Variants in MAP1LC3B observed in about 807,000 individuals in gnomAD.
The protein encoded by MAP1LC3B is microtubule associated protein 1 light chain 3 beta.
A neutral mutation model predicts 16.7 loss-of-function variants in MAP1LC3B; 12 were observed. That is an observed-to-expected ratio of 0.72 (90% CI 0.46 to 1.16). The LOEUF (loss-of-function observed/expected upper bound fraction) is 1.16, where lower values mean the gene tolerates loss of function less well. MAP1LC3B is among the 50% of genes most tolerant of loss of function. The pLI is 0.00. For missense variants in MAP1LC3B, 155 were observed against 159.5 expected, an observed-to-expected ratio of 0.97 and a Z score of 0.15; for synonymous variants, 63 against 56.5, an observed-to-expected ratio of 1.11 and a Z score of -0.51.
At chr16:87,400,308 G>C (rs1260767142) in intron 2 of MAP1LC3B, 1 of 151,572 alleles carries the variant, frequency 6.6e-6, no homozygotes, top group African/African-American at 2.4e-5. Flanking sequence ...CTCCTGAGTA[G>C]CTGGGACTGC....
chr16:87,393,607 T>G (rs756958246), intron 1 of MAP1LC3B, among the ~76,000 whole-genome samples: 1 of 152,248 alleles, frequency 6.6e-6, no homozygotes, highest in Non-Finnish European at 1.5e-5. Context: ...GACAGCCTCT[T>G]GAGGCAGTCC....
intron 1 of MAP1LC3B, among the ~76,000 whole-genome samples, chr16:87,395,969 T>C (rs1321719581): frequency 6.8e-6 from 1 of 146,812 alleles, no homozygotes; most frequent in Non-Finnish European, 1.5e-5. Flanking sequence ...CAAGTGATTC[T>C]CCTGCCTTAG....
intron 2 of MAP1LC3B, chr16:87,399,616 T>C (rs778547445): frequency 2.2e-6 from 1 of 455,650 alleles, no homozygotes; most frequent in South Asian, 1.6e-5. Context: ...AATTACTGTA[T>C]ATAGAAAAGA....
At chr16:87,397,326 T>C (rs1050428018) in intron 1 of MAP1LC3B, among the ~76,000 whole-genome samples, 1 of 152,020 alleles carries the variant, frequency 6.6e-6, no homozygotes, top group Non-Finnish European at 1.5e-5. Context: ...TAAAGAGTGA[T>C]ACTAAAATTG....
At chr16:87,395,349 T>C (rs1190469491) in intron 1 of MAP1LC3B, among the ~76,000 whole-genome samples, 1 of 152,226 alleles carries the variant, frequency 6.6e-6, no homozygotes. Context: ...CTCTTCTGTG[T>C]ACAAGCCTGA....
Position 87,402,983 on chromosome 16 carries a change from G to A in MAP1LC3B, c.264G>A (p.Met88Ile). Residue 88 changes from methionine to isoleucine, a missense_variant, in exon 4 of 4, where the codon ATG becomes ATA. Physicochemically the swap from Met to Ile is conservative, Grantham distance 10. Coordinates refer to ENST00000268607, the MANE Select transcript of MAP1LC3B (RefSeq NM_022818.5). ...TCCTGTTGGTGAACGGACACAGCATGGTCAGCGTCTCCACACCAATCTCAG... is the reference window on the plus strand; with the variant it reads ...TCCTGTTGGTGAACGGACACAGCATAGTCAGCGTCTCCACACCAATCTCAG... ...AFFLLVNGHS[M>I]VSVSTPISEV... 1 of 1,614,022 alleles carries A rather than the reference G, an allele frequency of 6.2e-7. No homozygotes were observed. The highest frequency in any genetic ancestry group is 8.5e-7 in the Non-Finnish European group (1 of 1,179,902).
chr16:87,402,729 A>C, intron 3 of MAP1LC3B, 194 bp from the exon 4 acceptor site: 1 of 688,390 alleles, frequency 1.5e-6, no homozygotes, highest in Non-Finnish European at 2.4e-6. Context: ...TCAGCCTAAT[A>C]TGTAATCTTT....
At position 87,403,022 on chromosome 16, in the gene MAP1LC3B, T is replaced by C; in HGVS notation, c.303T>C (p.Ser101=). The C allele has an allele frequency of 3.7e-6, 6 of 1,613,656 alleles. No individual in the cohort carries two copies. The highest frequency in any genetic ancestry group is 5.1e-6 in the Non-Finnish European group (6 of 1,179,826). Residue 101 remains serine, a synonymous_variant, in exon 4 of 4, where the codon AGT becomes AGC. Coordinates refer to ENST00000268607, the MANE Select transcript of MAP1LC3B (RefSeq NM_022818.5). ...CACCAATCTCAGAGGTGTATGAGAG[T>C]GAGAAAGATGAAGATGGATTCCTGT... ...VSTPISEVYE[S]EKDEDGFLYM... is the part of the protein sequence containing the mutation.
At position 87,402,462 on chromosome 16, in the gene MAP1LC3B, T is replaced by C. The variant is rs2150713774; in HGVS notation, c.203+181T>C. On this transcript the variant is annotated intron_variant, in intron 3 of 3. Coordinates refer to ENST00000268607, the MANE Select transcript of MAP1LC3B (RefSeq NM_022818.5). ...ACTTAAACTATAAAATGTTTCTTTT[T>C]TTGAGGTTTTATATTACTTGCTAGA... 9.1e-6 allele frequency: 6 copies of C among 657,836 alleles called. No individual in the cohort carries two copies. The South Asian group carries it at 1.1e-4, about 13-fold the overall frequency. 40.7% of individuals were successfully genotyped at this position (657,836 alleles called of 1,614,324 possible). A position where few individuals can be genotyped will look rare whatever the true frequency, so the allele number is the denominator to read the frequency against.
chr16:87,395,446 C>T (rs1907764985), intron 1 of MAP1LC3B, among the ~76,000 whole-genome samples: 1 of 152,228 alleles, frequency 6.6e-6, no homozygotes, highest in Non-Finnish European at 1.5e-5. Flanking sequence ...CAGATGATTA[C>T]AGCATTAGGA....
At chr16:87,401,198 G>A (rs895154804) in intron 2 of MAP1LC3B, among the ~76,000 whole-genome samples, 2 of 150,204 alleles carry the variant, frequency 1.3e-5, no homozygotes, top group African/African-American at 4.9e-5. Flanking sequence ...GGAATTGAGA[G>A]TTTCAGATGT....
At chr16:87,393,003 A>C (rs1907655804) in intron 1 of MAP1LC3B, 1 of 152,232 alleles carries the variant, frequency 6.6e-6, no homozygotes, top group African/African-American at 2.4e-5. Context: ...TACAGACCTC[A>C]GTGCCTCGGT....
At position 87,404,717 on chromosome 16, in the gene MAP1LC3B, G is replaced by C. The variant is rs1366883886; in HGVS notation, c.*1620G>C. The stretch of plus-strand genomic sequence containing the variant: ...ATGTGAGTGGTCACTTTATTTATAG[G>C]ATCTTTAAAACATTTTTAATGAACT... On this transcript the variant is annotated 3_prime_UTR_variant, in exon 4 of 4. Transcript: ENST00000268607. 3 of 152,138 alleles carry C rather than the reference G, an allele frequency of 2.0e-5. No individual in the cohort carries two copies. Among genetic ancestry groups the C allele is most frequent in the Non-Finnish European group, 2.9e-5 (2 of 68,026 alleles). The allele number at this position is 152,138 out of a possible 1,614,324, so 9.4% of individuals were successfully genotyped here. A position where few individuals can be genotyped will look rare whatever the true frequency, so the allele number is the denominator to read the frequency against.
At chr16:87,399,432 G>A (rs1907909896) in intron 2 of MAP1LC3B, 2 of 317,716 alleles carry the variant, frequency 6.3e-6, no homozygotes, top group Non-Finnish European at 1.2e-5. Context: ...GCTAGATAAA[G>A]CTCTCAAACT....
intron 1 of MAP1LC3B, among the ~76,000 whole-genome samples, chr16:87,393,874 T>C (rs1358214278): frequency 6.6e-6 from 1 of 152,228 alleles, no homozygotes; most frequent in Non-Finnish European, 1.5e-5. Context: ...ACCTGGCTTC[T>C]GTTTTCACCA....
In MAP1LC3B at chr16:87,404,214, C is replaced by T. The variant is rs535166830; in HGVS notation, c.*1117C>T. The T allele has an allele frequency of 1.3e-5, 2 of 152,264 alleles. No homozygotes were observed. Among genetic ancestry groups the T allele is most frequent in the African/African-American group, 4.8e-5 (2 of 41,552 alleles). The allele number at this position is 152,264 out of a possible 1,614,324, so 9.4% of individuals were successfully genotyped here. ...ACAGATACTAATGTCAAGAGTTAAA[C>T]CTCCTCAGGTTCAACCTGTGATAAA... On this transcript the variant is annotated 3_prime_UTR_variant, in exon 4 of 4. Transcript: ENST00000268607.
rs1907617018 is a variant in MAP1LC3B, at chr16:87,392,478, C to T, written c.40+11C>T. Reference sequence around the variant, plus strand: ...AGCGCCGCACCTTCGGTGAGTGTCGCCGCGAGGGCGGCGGGTGCGGCGGGG... The same window carrying T: ...AGCGCCGCACCTTCGGTGAGTGTCGTCGCGAGGGCGGCGGGTGCGGCGGGG... On this transcript the variant is annotated intron_variant, in intron 1 of 3. Transcript: ENST00000268607. 1 of 1,315,694 alleles carries T rather than the reference C, an allele frequency of 7.6e-7. No homozygotes were observed. The highest frequency in any genetic ancestry group is 2.1e-5 in the South Asian group (1 of 47,354). The allele number at this position is 1,315,694 out of a possible 1,614,324, so 81.5% of individuals were successfully genotyped here. A position where few individuals can be genotyped will look rare whatever the true frequency, so the allele number is the denominator to read the frequency against.
At chr16:87,402,315 C>CT (rs747733696) in intron 3 of MAP1LC3B, 34 bp downstream of exon 3, 4 of 1,563,628 alleles carry the variant, frequency 2.6e-6, no homozygotes, top group Non-Finnish European at 3.5e-6. Context: ...AATATATTTC[C>CT]TTTGAGTAAC....
At position 87,403,302 on chromosome 16, in the gene MAP1LC3B, A is replaced by G. The variant is rs1383136235; in HGVS notation, c.*205A>G. On this transcript the variant is annotated 3_prime_UTR_variant, in exon 4 of 4. Transcript: ENST00000268607. ...GAGCACATTCAGCTTTGGAAACTAT[A>G]TTATTTAATGTAGGCTAGCTTGTTT... The G allele has an allele frequency of 2.1e-5, 10 of 482,160 alleles. No homozygotes were observed. Among genetic ancestry groups the G allele is most frequent in the Non-Finnish European group, 3.0e-5 (8 of 266,028 alleles). The allele number at this position is 482,160 out of a possible 1,614,324, so 29.9% of individuals were successfully genotyped here.
Sources: allele counts gnomAD v4.1 joint callset (sites outside exome capture counted in the v4.1 genomes callset), GRCh38; gene constraint gnomAD v4.1.1; transcripts MANE v1.5; gene names NCBI Gene and HGNC (gene_info 2026-07-23, HGNC 2026-07-21).